The following FAM124A variants were observed in gnomAD, a reference collection of about 807,000 sequenced individuals.
FAM124A encodes family with sequence similarity 124 member A.
Under a neutral mutation model 24.5 loss-of-function variants are expected in FAM124A, and 23 were observed. The observed-to-expected ratio is 0.94, with a 90% CI of 0.68 to 1.33. The LOEUF (loss-of-function observed/expected upper bound fraction) is 1.33. Ranked by LOEUF, FAM124A falls within the 40% of genes most tolerant of loss-of-function variation. The pLI is 0.00. For synonymous variants in FAM124A, 287 were observed against 314.7 expected, an observed-to-expected ratio of 0.91 and a Z score of 0.93; for missense variants, 623 against 722.8, an observed-to-expected ratio of 0.86 and a Z score of 1.58.
chr13:51,281,142 C>T lies in FAM124A; in HGVS notation c.1527C>T (p.Ser509=), dbSNP rs958609229. Residue 509 remains serine (S), a synonymous_variant, in exon 4 of 4, where the codon TCC becomes TCT. Transcript: ENST00000322475. ...PAPSTSTLTD[S]SPQLPCDTPK... Reference sequence around the variant, plus strand: ...CCAGCACCTCCACCCTCACAGACTCCTCCCCACAGCTCCCATGCGATACCC... The same window carrying T: ...CCAGCACCTCCACCCTCACAGACTCTTCCCCACAGCTCCCATGCGATACCC... 8.1e-6 allele frequency: 13 copies of T among 1,613,968 alleles called. No individual in the cohort carries two copies. The highest frequency in any genetic ancestry group is 5.0e-5 in the Admixed American group (3 of 59,986).
Position 51,283,254 on chromosome 13 carries a change from G to T in FAM124A, c.*1998G>T, listed in dbSNP as rs887946449. On this transcript the variant is annotated 3_prime_UTR_variant, in exon 4 of 4. Transcript: ENST00000322475. ...GACAGAGTTTCACCATGTTGGCCAG[G>T]TTGGTCTCAAACTCCTGACTTCGTG... The T allele has an allele frequency of 6.6e-6, 1 of 152,142 alleles. No individual in the cohort carries two copies. The highest frequency in any genetic ancestry group is 2.4e-5 in the African/African-American group (1 of 41,406). The allele number at this position is 152,142 out of a possible 1,614,324, so 9.4% of individuals were successfully genotyped here.
intron 2 of FAM124A, among the ~76,000 whole-genome samples, chr13:51,234,287 T>C (rs1954412227): frequency 6.6e-6 from 1 of 152,198 alleles, no homozygotes; most frequent in African/African-American, 2.4e-5. Context: ...CCTTGTTGCC[T>C]GTTTGTCCAC....
At chr13:51,236,069 G>C (rs1267186301) in intron 2 of FAM124A, among the ~76,000 whole-genome samples, 1 of 151,992 alleles carries the variant, frequency 6.6e-6, no homozygotes, top group Non-Finnish European at 1.5e-5. Flanking sequence ...CCTTCCTGTC[G>C]ACATCCTCCC....
At chr13:51,241,552 A>G (rs779859703) in intron 2 of FAM124A, among the ~76,000 whole-genome samples, 21 of 152,248 alleles carry the variant, frequency 1.4e-4, no homozygotes, top group South Asian at 6.2e-4. Context: ...CCTGACCCCA[A>G]CTGTAAAATG....
At chr13:51,245,416 T>C (rs1373688911) in intron 2 of FAM124A, 1 of 644,976 alleles carries the variant, frequency 1.6e-6, no homozygotes, top group East Asian at 3.0e-5. Context: ...TACCTGGCCC[T>C]CAGGTAGCCC....
At chr13:51,250,272 C>T (rs1954604926) in intron 2 of FAM124A, among the ~76,000 whole-genome samples, 1 of 152,156 alleles carries the variant, frequency 6.6e-6, no homozygotes, top group Admixed American at 6.5e-5. Context: ...ACCACATGAT[C>T]ACTGTATGCC....
intron 2 of FAM124A, among the ~76,000 whole-genome samples, chr13:51,241,720 A>C (rs906036978): frequency 1.4e-5 from 2 of 138,944 alleles, no homozygotes; most frequent in Non-Finnish European, 3.2e-5. Context: ...AAATATTTGA[A>C]TATTCCACTG....
rs1371577496 is a variant in FAM124A, at chr13:51,281,800, T to A, written c.*544T>A. 2 of 152,266 alleles carry A rather than the reference T, an allele frequency of 1.3e-5. No homozygotes were observed. The highest frequency in any genetic ancestry group is 2.4e-5 in the African/African-American group (1 of 41,440). 9.4% of individuals were successfully genotyped at this position (152,266 alleles called of 1,614,324 possible). A position where few individuals can be genotyped will look rare whatever the true frequency, so the allele number is the denominator to read the frequency against. On this transcript the variant is annotated 3_prime_UTR_variant, in exon 4 of 4. Transcript: ENST00000322475. ...CTGCTTATAATGGAAAAAGTCAGCT[T>A]GAGAAGTAAACGTATATCAGACTAC...
intron 2 of FAM124A, among the ~76,000 whole-genome samples, chr13:51,250,684 A>G (rs1954610616): frequency 6.6e-6 from 1 of 152,210 alleles, no homozygotes. Context: ...ATGGGCAGTC[A>G]TGGTCTCACC....
At chr13:51,232,715 C>T (rs1954391364) in intron 2 of FAM124A, among the ~76,000 whole-genome samples, 1 of 152,202 alleles carries the variant, frequency 6.6e-6, no homozygotes, top group Non-Finnish European at 1.5e-5. Context: ...AGAGAAAGCT[C>T]AGTTGAACTC....
chr13:51,265,910 A>T (rs1422531210), intron 3 of FAM124A, among the ~76,000 whole-genome samples: 1 of 152,220 alleles, frequency 6.6e-6, no homozygotes, highest in Non-Finnish European at 1.5e-5. Context: ...GGATTTATAT[A>T]CATTATTCTA....
chr13:51,244,691 G>A (rs1296684875), intron 2 of FAM124A, among the ~76,000 whole-genome samples: 3 of 152,170 alleles, frequency 2.0e-5, no homozygotes, highest in Admixed American at 6.5e-5. Flanking sequence ...TGCAGGCATG[G>A]CTGATCTAAA....
At chr13:51,223,856 A>G (rs1019722925) in intron 1 of FAM124A, among the ~76,000 whole-genome samples, 5 of 152,076 alleles carry the variant, frequency 3.3e-5, no homozygotes, top group East Asian at 3.8e-4. Flanking sequence ...TTTTTCTGCC[A>G]TTAGTTAGCT....
At chr13:51,280,225 T>C (rs1468847327) in intron 3 of FAM124A, among the ~76,000 whole-genome samples, 1 of 152,196 alleles carries the variant, frequency 6.6e-6, no homozygotes, top group African/African-American at 2.4e-5. Flanking sequence ...AGGAGCTGAA[T>C]CTCCTCCTAG....
rs1458509427 is a variant in FAM124A, at chr13:51,282,798, C to T, written c.*1542C>T. On this transcript the variant is annotated 3_prime_UTR_variant, in exon 4 of 4. Coordinates refer to ENST00000322475, the MANE Select transcript of FAM124A (RefSeq NM_001242312.2). ...TGACAGCCTTAGGCCTTGCCCCAAGCATTCTGGACTCTCTAACACTCAGAA... is the reference window on the plus strand; with the variant it reads ...TGACAGCCTTAGGCCTTGCCCCAAGTATTCTGGACTCTCTAACACTCAGAA... The T allele has an allele frequency of 6.6e-6, 1 of 152,204 alleles. No individual in the cohort carries two copies. Among genetic ancestry groups the T allele is most frequent in the African/African-American group, 2.4e-5 (1 of 41,446 alleles). The allele number at this position is 152,204 out of a possible 1,614,324, so 9.4% of individuals were successfully genotyped here. A position where few individuals can be genotyped will look rare whatever the true frequency, so the allele number is the denominator to read the frequency against.
At chr13:51,225,976 C>CTTTTTTTT (rs780570797) in intron 1 of FAM124A, among the ~76,000 whole-genome samples, 10 of 67,580 alleles carry the variant, frequency 1.5e-4, no homozygotes, top group African/African-American at 3.7e-4. Context: ...TGCTTGCTTT[C>CTTTTTTTT]TTTTTTTTTT....
chr13:51,229,036 G>A (rs1954346202), intron 1 of FAM124A, among the ~76,000 whole-genome samples: 1 of 152,190 alleles, frequency 6.6e-6, no homozygotes, highest in East Asian at 1.9e-4. Flanking sequence ...CAAGTGAAAA[G>A]AGCAATTCAA....
intron 2 of FAM124A, among the ~76,000 whole-genome samples, chr13:51,247,441 G>A (rs973235545): frequency 1.2e-4 from 19 of 152,172 alleles, no homozygotes; most frequent in African/African-American, 4.3e-4. Flanking sequence ...GTGGTTGTAA[G>A]GATTAAATGA....
At chr13:51,241,181 C>T (rs1281159411) in intron 2 of FAM124A, among the ~76,000 whole-genome samples, 1 of 152,246 alleles carries the variant, frequency 6.6e-6, no homozygotes, top group African/African-American at 2.4e-5. Context: ...CTAAGTTTAT[C>T]TGCTGCCATC....
Sources: allele counts gnomAD v4.1 joint callset (sites outside exome capture counted in the v4.1 genomes callset), GRCh38; gene constraint gnomAD v4.1.1; transcripts MANE v1.5; gene names NCBI Gene and HGNC (gene_info 2026-07-23, HGNC 2026-07-21).